The following ZNF638 variants were observed in gnomAD, a reference collection of about 807,000 sequenced individuals.
ZNF638 encodes the protein CTCL tumor antigen se33-1.
In ZNF638, 46 loss-of-function variants were observed where a neutral mutation model predicts 195.6. The observed-to-expected ratio is 0.24, with a 90% CI of 0.19 to 0.30. The LOEUF is 0.30. Ranked by LOEUF, ZNF638 falls within the 10% of genes least tolerant of loss-of-function variation. The pLI is 1.00. For synonymous variants in ZNF638, 845 were observed against 772.0 expected (o/e 1.09, Z -1.57); for missense variants, 2,440 against 2,325.3 (o/e 1.05, Z -1.01).
chr2:71,405,916 G>T (rs1207662813), intron 18 of ZNF638, among the ~76,000 whole-genome samples: 1 of 152,124 alleles, frequency 6.6e-6, no homozygotes, highest in Non-Finnish European at 1.5e-5. Flanking sequence ...TATGTTGATA[G>T]TAGAAATATT....
intron 10 of ZNF638, among the ~76,000 whole-genome samples, chr2:71,387,150 CAATG>C (rs917399765): frequency 5.3e-4 from 80 of 151,864 alleles, no homozygotes; most frequent in African/African-American, 1.6e-3. Context: ...TTAAAGAAAA[CAATG>C]AAAACAGACT....
At chr2:71,369,315 T>A (rs1351573848) in intron 7 of ZNF638, among the ~76,000 whole-genome samples, 3 of 112,256 alleles carry the variant, frequency 2.7e-5, no homozygotes, top group African/African-American at 1.1e-4. Context: ...AGAGTAAGGC[T>A]CCGTCTCAAA....
intron 10 of ZNF638, among the ~76,000 whole-genome samples, chr2:71,382,521 G>A (rs1357830372): frequency 6.6e-6 from 1 of 152,102 alleles, no homozygotes; most frequent in African/African-American, 2.4e-5. Flanking sequence ...AGCACAGGGA[G>A]GAAGCAAGAG....
Position 71,369,953 on chromosome 2 carries a change from C to A in ZNF638, c.2213C>A (p.Thr738Lys), listed in dbSNP as rs146178620. The A allele has an allele frequency of 1.1e-5, 17 of 1,594,300 alleles. No individual in the cohort carries two copies. Among genetic ancestry groups the A allele is most frequent in the Admixed American group, 3.6e-5 (2 of 55,752 alleles). The change falls in exon 8 of 28, where the codon ACG becomes AAG. Residue 738 changes from threonine to lysine, a missense_variant. Around this residue, in one of 5 missense-constraint regions of ZNF638, gnomAD observed 1,883 missense variants for 1,739.1 expected, o/e 1.08. Transcript: ENST00000264447. ...IMKYIETTPL[T>K]IKGKSVKICV... ...AAGTACATTGAAACAACACCTCTTA[C>A]GATAAAAGGAAAAAGTGTGAAAATA...
rs1335223263 is a variant in ZNF638 at position 71,406,235 on chromosome 2, C to G, written c.3108C>G (p.His1036Gln). The G allele has an allele frequency of 1.9e-6, 3 of 1,612,290 alleles. No individual in the cohort carries two copies. Among genetic ancestry groups the G allele is most frequent in the Non-Finnish European group, 2.5e-6 (3 of 1,178,572 alleles). ...GACTTCAGTTTGGAAAAGTGGATCA[C>G]CATGTATTCATAAGTAATAGAAACA... ...CVGLQFGKVD[H>Q]HVFISNRNKA... Residue 1036 changes from histidine to glutamine, a missense_variant, in exon 19 of 28, where the codon CAC (histidine) becomes CAG (glutamine). Transcript: ENST00000264447.
intron 1 of ZNF638, among the ~76,000 whole-genome samples, chr2:71,344,936 T>C (rs1055193123): frequency 1.3e-5 from 2 of 152,200 alleles, no homozygotes; most frequent in African/African-American, 4.8e-5. Context: ...TAGCTAACCT[T>C]TTTAATTAAA....
chr2:71,385,129 T>C (rs2079610828), intron 10 of ZNF638, among the ~76,000 whole-genome samples: 1 of 152,234 alleles, frequency 6.6e-6, no homozygotes, highest in African/African-American at 2.4e-5. Flanking sequence ...TAAAAAATAC[T>C]GATAGCACCA....
intron 20 of ZNF638, among the ~76,000 whole-genome samples, chr2:71,410,862 C>A (rs1198311286): frequency 6.6e-6 from 1 of 151,626 alleles, no homozygotes. Flanking sequence ...CTTGGTGATT[C>A]CAGAATTTCT....
chr2:71,430,246 C>T (rs937583514), intron 25 of ZNF638, among the ~76,000 whole-genome samples: 2 of 151,654 alleles, frequency 1.3e-5, no homozygotes, highest in Non-Finnish European at 2.9e-5. Context: ...GATAAATGTG[C>T]CTTTGGAGTG....
At chr2:71,365,795 C>T in intron 6 of ZNF638, 89 bp downstream of exon 6, 1 of 1,266,930 alleles carries the variant, frequency 7.9e-7, no homozygotes, top group Non-Finnish European at 1.1e-6. Context: ...GCATGGCTCA[C>T]TGCAGCCTCG....
intron 20 of ZNF638, 47 bp downstream of exon 20, chr2:71,408,294 G>T: frequency 6.3e-7 from 1 of 1,583,600 alleles, no homozygotes; most frequent in South Asian, 1.2e-5. Flanking sequence ...AAAATACAGA[G>T]AACATAAAGG....
chr2:71,345,175 T>C (rs1032936862), intron 1 of ZNF638, among the ~76,000 whole-genome samples: 2 of 152,214 alleles, frequency 1.3e-5, no homozygotes, highest in Admixed American at 1.3e-4. Context: ...TTAAATGTTA[T>C]CACAGGTATG....
At chr2:71,390,935 TG>T (rs1430863716) in intron 10 of ZNF638, among the ~76,000 whole-genome samples, 1 of 152,198 alleles carries the variant, frequency 6.6e-6, no homozygotes, top group African/African-American at 2.4e-5. Flanking sequence ...ATTAGCCCAA[TG>T]GGGGCTGCAA....
At chr2:71,367,518 C>T (rs187457160) in intron 6 of ZNF638, among the ~76,000 whole-genome samples, 129 of 151,506 alleles carry the variant, frequency 8.5e-4, no homozygotes, top group African/African-American at 2.8e-3. Context: ...ACACAACCTC[C>T]GCCTCCCAGG....
rs199820298 is a variant in ZNF638 at position 71,349,755 on chromosome 2, C to T, written c.801C>T (p.Asp267=). Residue 267 remains aspartate, a synonymous_variant, in exon 2 of 28, where the codon GAC becomes GAT. Transcript: ENST00000264447. ...VICNSMFPVE[D]VFRQMDFPGE... is the part of the protein sequence containing the mutation. ...GTAATTCTATGTTTCCTGTTGAAGACGTATTTCGCCAAATGGACTTCCCCG... is the reference window on the plus strand; with the variant it reads ...GTAATTCTATGTTTCCTGTTGAAGATGTATTTCGCCAAATGGACTTCCCCG... 1.9e-5 allele frequency: 30 copies of T among 1,614,058 alleles called. No individual in the cohort carries two copies. In the East Asian group the frequency reaches 2.2e-4, roughly 12 times the overall value.
chr2:71,400,379 A>G (rs912234682), intron 14 of ZNF638, 99 bp from the exon 15 acceptor site: 8 of 1,215,370 alleles, frequency 6.6e-6, no homozygotes, highest in East Asian at 2.4e-5. Flanking sequence ...GACTTGTTGT[A>G]TTACACGTTT....
chr2:71,393,146 T>C lies in ZNF638; in HGVS notation c.2378-2995T>C, dbSNP rs180927054. ...CGTGCCCACTCCACCCTTAAAAATA[T>C]GCTCAGAAAACAAAAAGGGGAAAAT... is the stretch of plus-strand genomic sequence containing the variant. On this transcript the variant is annotated intron_variant, in intron 10 of 27. Transcript: ENST00000264447. 6.6e-5 allele frequency among the ~76,000 whole-genome samples: 10 copies of C among 151,164 alleles called. No individual in the cohort carries two copies. The East Asian group carries it at 1.6e-3, about 24-fold the overall frequency.
chr2:71,366,641 C>T (rs2079205453), intron 6 of ZNF638, among the ~76,000 whole-genome samples: 1 of 152,124 alleles, frequency 6.6e-6, no homozygotes. Context: ...AATGAATAAT[C>T]ACCAGCAGCA....
At chr2:71,410,974 C>A in intron 20 of ZNF638, among the ~76,000 whole-genome samples, 4 of 85,370 alleles carry the variant, frequency 4.7e-5, no homozygotes, top group African/African-American at 8.9e-5. Context: ...TTTCTCCCCA[C>A]CCACCACCTC....
Sources: allele counts gnomAD v4.1 joint callset (sites outside exome capture counted in the v4.1 genomes callset), GRCh38; gene constraint gnomAD v4.1.1; regional missense constraint gnomAD v4.1.1; transcripts MANE v1.5; gene names NCBI Gene and HGNC (gene_info 2026-07-23, HGNC 2026-07-21).